TENM2: variants seen among roughly 807,000 people sequenced by gnomAD.
TENM2 encodes teneurin transmembrane protein 2.
TENM2 carries 52 observed loss-of-function variants against 245.2 expected under a neutral mutation model. The ratio of observed to expected loss-of-function variants is 0.21; its 90% CI spans 0.17 to 0.27. The LOEUF (loss-of-function observed/expected upper bound fraction) is 0.27, where lower values mean the gene tolerates loss of function less well. Among genes scored for constraint, TENM2 ranks in the 10% least tolerant of loss-of-function variants. The probability of loss-of-function intolerance (pLI) is 1.00; values close to 1 mark genes in which losing one functional copy is unlikely to be tolerated. For synonymous variants in TENM2, 1,363 were observed against 1,438.9 expected (o/e 0.95, Z 1.19); for missense variants, 3,046 against 3,666.8 (o/e 0.83, Z 4.37).
chr5:168,255,387 C>T (rs931304624), intron 27 of TENM2, among the ~76,000 whole-genome samples: 1 of 152,056 alleles, frequency 6.6e-6, no homozygotes, highest in Middle Eastern at 3.2e-3. Flanking sequence ...CTGCAACCTC[C>T]ACCTCCTGGT....
In TENM2 at chr5:168,221,105, C is replaced by G. The variant is rs773286614; in HGVS notation, c.5108+2106C>G. 7.9e-4 allele frequency among the ~76,000 whole-genome samples: 117 copies of G among 147,912 alleles called. 1 individual carries two copies. The highest frequency in any genetic ancestry group is 4.8e-4 in the Non-Finnish European group (32 of 66,922). ...CCAGCCTGGGCGACAGAGCAACACT[C>G]TGTCTCAAAAAAAAAAAAGAAAAAG... On this transcript the variant is annotated intron_variant, in intron 23 of 28. Coordinates refer to ENST00000518659, the Ensembl canonical transcript of TENM2.
chr5:168,011,106 G>A (rs1039484019), intron 5 of TENM2, among the ~76,000 whole-genome samples: 1 of 152,240 alleles, frequency 6.6e-6, no homozygotes, highest in Admixed American at 6.5e-5. Flanking sequence ...TCCGGATAGA[G>A]TAATAACCAG....
intron 3 of TENM2, among the ~76,000 whole-genome samples, chr5:167,905,010 A>C (rs1277958781): frequency 6.6e-6 from 1 of 152,198 alleles, no homozygotes; most frequent in African/African-American, 2.4e-5. Flanking sequence ...ACTGACATAT[A>C]TATTTCAGGA....
At chr5:167,638,096 TGTGTGTGTGTG>T (rs1779329416) in intron 2 of TENM2, among the ~76,000 whole-genome samples, 1 of 3,014 alleles carries the variant, frequency 3.3e-4, no homozygotes, top group Non-Finnish European at 9.7e-4. Flanking sequence ...GGCAGGTGTG[TGTGTGTGTGTG>T]TGTGTGTGTG....
intron 2 of TENM2, among the ~76,000 whole-genome samples, chr5:167,415,470 T>C (rs982627099): frequency 2.0e-5 from 3 of 152,194 alleles, no homozygotes; most frequent in African/African-American, 7.2e-5. Flanking sequence ...CTAATTATCA[T>C]TGACATTTGC....
At chr5:167,232,817 G>T in the TENM2 span, among the ~76,000 whole-genome samples, 1 of 152,202 alleles carries the variant, frequency 6.6e-6, no homozygotes, top group South Asian at 2.1e-4. Context: ...TCTATGTCAG[G>T]TTACAACAGA....
the TENM2 span, among the ~76,000 whole-genome samples, chr5:167,028,972 A>G: frequency 1.3e-5 from 2 of 152,156 alleles, no homozygotes; most frequent in African/African-American, 2.4e-5. Context: ...ATTTTTTTTA[A>G]TGTGTTTGCA....
chr5:167,862,881 A>G (rs1771950244), intron 2 of TENM2, among the ~76,000 whole-genome samples: 1 of 152,244 alleles, frequency 6.6e-6, no homozygotes, highest in African/African-American at 2.4e-5. Context: ...TTAGACATTC[A>G]AAGCTGAAGA....
the TENM2 span, among the ~76,000 whole-genome samples, chr5:167,082,089 T>C: frequency 6.6e-6 from 1 of 152,140 alleles, no homozygotes; most frequent in African/African-American, 2.4e-5. Context: ...TTAGTATTAA[T>C]GTGTGAAAGT....
chr5:167,624,954 C>A (rs537727908), intron 2 of TENM2, among the ~76,000 whole-genome samples: 8 of 152,210 alleles, frequency 5.3e-5, no homozygotes, highest in South Asian at 4.2e-4. Flanking sequence ...AAACTATTCA[C>A]CCTCTTAACT....
the TENM2 span, among the ~76,000 whole-genome samples, chr5:167,222,638 TTC>T: frequency 6.6e-6 from 1 of 152,170 alleles, no homozygotes; most frequent in South Asian, 2.1e-4. Context: ...GCACCTATGA[TTC>T]TCTCTTTTCT....
At chr5:167,152,274 G>A in the TENM2 span, among the ~76,000 whole-genome samples, 259 of 152,254 alleles carry the variant, frequency 1.7e-3, no homozygotes, top group African/African-American at 5.9e-3. Context: ...CTGGAAAGCC[G>A]CATACCTGCA....
chr5:168,223,879 G>T (rs1227068085), intron 23 of TENM2, among the ~76,000 whole-genome samples: 3 of 151,566 alleles, frequency 2.0e-5, no homozygotes, highest in East Asian at 1.9e-4. Flanking sequence ...TATTTTCAGA[G>T]AATTTCTGCT....
rs893297520 is a variant in TENM2 at position 167,547,361 on chromosome 5, G to A, written c.502+171888G>A. Among the ~76,000 whole-genome samples, 23 of 152,312 alleles carry A rather than the reference G, an allele frequency of 1.5e-4. 1 individual carries two copies. The highest frequency in any genetic ancestry group is 9.8e-4 in the Admixed American group (15 of 15,294). On this transcript the variant is annotated intron_variant, in intron 2 of 28. Transcript: ENST00000518659. ...GCTGGGATTACAGGTGTGAGCCACC[G>A]TGCCCGGCCTTGGCGGTGGAATGTG...
intron 10 of TENM2, 40 bp downstream of exon 12, chr5:168,118,526 A>C (rs1795252703): frequency 6.9e-7 from 1 of 1,446,440 alleles, no homozygotes; most frequent in Non-Finnish European, 9.3e-7. Flanking sequence ...CAGTGGAGGG[A>C]GGCGTTTGCA....
the TENM2 span, among the ~76,000 whole-genome samples, chr5:167,179,014 G>T: frequency 3.4e-4 from 52 of 152,228 alleles, 1 homozygote; most frequent in Non-Finnish European, 7.2e-4. Context: ...GAGAGGTTCC[G>T]TATGTTTAAA....
chr5:168,253,568 G>A (rs1255329304), intron 27 of TENM2, among the ~76,000 whole-genome samples: 2 of 151,936 alleles, frequency 1.3e-5, no homozygotes, highest in Non-Finnish European at 2.9e-5. Context: ...TGGAACTACA[G>A]GCGCCCGCCA....
At chr5:167,325,439 T>C (rs947839016) in intron 1 of TENM2, among the ~76,000 whole-genome samples, 2 of 152,196 alleles carry the variant, frequency 1.3e-5, no homozygotes, top group African/African-American at 4.8e-5. Context: ...AGTTGCTTTG[T>C]TCCCAGGAAC....
At chr5:168,043,710 A>G (rs1041235789) in intron 5 of TENM2, among the ~76,000 whole-genome samples, 3 of 152,208 alleles carry the variant, frequency 2.0e-5, no homozygotes, top group Non-Finnish European at 1.5e-5. Flanking sequence ...GTCTTCATAC[A>G]TGCTGTATTC....
Sources: gnomAD v4.1 joint callset for allele counts (sites outside exome capture counted in the v4.1 genomes callset) on GRCh38, gnomAD v4.1.1 for gene constraint, MANE v1.5 for transcripts, NCBI Gene and HGNC (gene_info 2026-07-23, HGNC 2026-07-21) for gene names.